The following SAMHD1 variants were observed in gnomAD, a reference collection of about 807,000 sequenced individuals.
SAMHD1 encodes SAM and HD domain containing deoxynucleoside triphosphate triphosphohydrolase 1.
Under a neutral mutation model 79.6 loss-of-function variants are expected in SAMHD1, and 54 were observed. The observed-to-expected ratio is 0.68, with a 90% CI of 0.55 to 0.85. SAMHD1 has a LOEUF of 0.85. Among genes scored for constraint, SAMHD1 ranks in the 40% least tolerant of loss-of-function variants. SAMHD1 has a pLI of 0.00. For missense variants in SAMHD1, 663 were observed against 782.7 expected (o/e 0.85, Z 1.82); for synonymous variants, 260 against 264.1 (o/e 0.98, Z 0.15).
At chr20:36,908,335 T>G (rs1328131709) in intron 11 of SAMHD1, among the ~76,000 whole-genome samples, 1 of 151,844 alleles carries the variant, frequency 6.6e-6, no homozygotes, top group East Asian at 1.9e-4. Flanking sequence ...CCCGGCCTCC[T>G]GGGCTCCAGT....
intron 6 of SAMHD1, among the ~76,000 whole-genome samples, chr20:36,924,412 A>C (rs1253270493): frequency 6.6e-6 from 1 of 151,998 alleles, no homozygotes; most frequent in Non-Finnish European, 1.5e-5. Context: ...ACAGAGACAG[A>C]AGGGAGAGAA....
At chr20:36,912,652 C>T in intron 9 of SAMHD1, 100 bp from the exon 10 acceptor site, 1 of 810,808 alleles carries the variant, frequency 1.2e-6, no homozygotes. Context: ...TAGTGGCAGA[C>T]AAGAGGGCTA....
intron 1 of SAMHD1, among the ~76,000 whole-genome samples, chr20:36,949,969 G>A (rs976634129): frequency 1.3e-5 from 2 of 151,306 alleles, no homozygotes; most frequent in Non-Finnish European, 2.9e-5. Context: ...CACTGCTTTA[G>A]TGCCTGCCTG....
Position 36,951,443 on chromosome 20 carries a change from G to A in SAMHD1, c.201C>T (p.Asn67=). The A allele has an allele frequency of 6.2e-7, 1 of 1,614,002 alleles. No homozygotes were observed. ...GGFEEPVLLK[N]IRENEITGAL... ...CCCCTCCGGAGCCGCTACCTCGGAT[G>A]TTCTTCAGCAGCACCGGCTCTTCAA... is the stretch of plus-strand genomic sequence containing the variant. Residue 67 remains asparagine (N), a synonymous_variant, in exon 1 of 16, where the codon AAC becomes AAT. Transcript: ENST00000646673.
Position 36,898,559 on chromosome 20 carries a change from T to G in SAMHD1, c.1504-15A>C. ...ATGTTGATAACCTAAATAAAAGCAA[T>G]TCACAAGTAATCATATAGCAAGCAG... On this transcript the variant is annotated splice_polypyrimidine_tract_variant and intron_variant, in intron 13 of 15. Transcript: ENST00000646673. The G allele has an allele frequency of 1.9e-6, 3 of 1,583,718 alleles. No homozygotes were observed. Among genetic ancestry groups the G allele is most frequent in the Non-Finnish European group, 2.6e-6 (3 of 1,152,752 alleles).
At chr20:36,936,561 C>G (rs1238746573) in intron 3 of SAMHD1, among the ~76,000 whole-genome samples, 1 of 152,122 alleles carries the variant, frequency 6.6e-6, no homozygotes, top group African/African-American at 2.4e-5. Flanking sequence ...CCGCCTCAGC[C>G]TCCCGAAGTG....
chr20:36,949,706 G>A (rs1373912559), intron 1 of SAMHD1, among the ~76,000 whole-genome samples: 1 of 143,280 alleles, frequency 7.0e-6, no homozygotes, highest in African/African-American at 2.6e-5. Flanking sequence ...GCACTGGGCC[G>A]AGATGGCGCC....
At chr20:36,934,961 G>A (rs2063593710) in intron 4 of SAMHD1, 68 bp downstream of exon 4, 1 of 1,531,864 alleles carries the variant, frequency 6.5e-7, no homozygotes, top group South Asian at 1.1e-5. Context: ...CCTGGCCTAA[G>A]ATAACTATTT....
At chr20:36,923,614 G>T (rs1198479478) in intron 6 of SAMHD1, among the ~76,000 whole-genome samples, 4 of 152,048 alleles carry the variant, frequency 2.6e-5, no homozygotes, top group African/African-American at 7.2e-5. Flanking sequence ...AAAGATGTAT[G>T]ACTTTCATGG....
chr20:36,916,218 A>G (rs2063474177), intron 9 of SAMHD1, among the ~76,000 whole-genome samples: 1 of 152,128 alleles, frequency 6.6e-6, no homozygotes, highest in Admixed American at 6.6e-5. Flanking sequence ...TTCCAACTCT[A>G]CCACTTGTTA....
chr20:36,892,059 C>T lies in SAMHD1; in HGVS notation c.*873G>A, dbSNP rs998433712. The T allele has an allele frequency of 6.6e-6, 1 of 152,536 alleles. No individual in the cohort carries two copies. Among genetic ancestry groups the T allele is most frequent in the African/African-American group, 2.4e-5 (1 of 41,582 alleles). The allele number at this position is 152,536 out of a possible 1,614,324, so 9.4% of individuals were successfully genotyped here. A position where few individuals can be genotyped will look rare whatever the true frequency, so the allele number is the denominator to read the frequency against. ...GAGTATTCAGGGGACAAAGGCACTA[C>T]CCGGGTCTGGAGCCGCCACGGAGCC... On this transcript the variant is annotated 3_prime_UTR_variant, in exon 16 of 16. Coordinates refer to ENST00000646673, the MANE Select transcript of SAMHD1 (RefSeq NM_015474.4).
rs6029995 is a variant in SAMHD1, at chr20:36,901,125, G to C, written c.1504-2581C>G. ...GTGCCTTAGAAAGGTAAGGGAAGAT[G>C]AGTCTGACCCTGAAAAAGAGGAGAG... On this transcript the variant is annotated intron_variant, in intron 13 of 15. Transcript: ENST00000646673. Among the ~76,000 whole-genome samples the C allele has an allele frequency of 9.7e-4, 147 of 152,296 alleles. 1 individual carries two copies. The highest frequency in any genetic ancestry group is 1.7e-3 in the Non-Finnish European group (114 of 68,024).
chr20:36,896,639 A>G (rs1055256920), intron 15 of SAMHD1, among the ~76,000 whole-genome samples: 5 of 152,002 alleles, frequency 3.3e-5, no homozygotes, highest in African/African-American at 9.7e-5. Context: ...GATAGAGACC[A>G]TCCTGGCCAA....
At chr20:36,933,106 G>A (rs938808527) in intron 4 of SAMHD1, among the ~76,000 whole-genome samples, 4 of 152,136 alleles carry the variant, frequency 2.6e-5, no homozygotes, top group African/African-American at 4.8e-5. Context: ...AGTAAGGTTC[G>A]ATAAATATTT....
Position 36,917,053 on chromosome 20 carries a change from G to C in SAMHD1, c.853-4C>G. On this transcript the variant is annotated splice_region_variant and splice_polypyrimidine_tract_variant and intron_variant, in intron 7 of 15. Transcript: ENST00000646673. ...CAGGACGCCCTTTATATGGCCACTG[G>C]AAGGCAAGAAAACCCACTGGAAGTT... The C allele has an allele frequency of 1.2e-6, 2 of 1,601,902 alleles. No individual in the cohort carries two copies. The highest frequency in any genetic ancestry group is 1.7e-6 in the Non-Finnish European group (2 of 1,169,074).
At chr20:36,911,033 C>T (rs1413393010) in intron 11 of SAMHD1, among the ~76,000 whole-genome samples, 185 bp downstream of exon 11, 4 of 151,984 alleles carry the variant, frequency 2.6e-5, no homozygotes, top group Non-Finnish European at 4.4e-5. Flanking sequence ...GCAGGAAGAT[C>T]GCTTGAGCCC....
chr20:36,908,391 G>A (rs57789402), intron 11 of SAMHD1, among the ~76,000 whole-genome samples: 2,064 of 151,808 alleles, frequency 0.014, 55 homozygotes, highest in African/African-American at 0.046. Context: ...CTACAGGCAC[G>A]CACCACCAGG....
chr20:36,943,838 G>C (rs551737814), intron 2 of SAMHD1, among the ~76,000 whole-genome samples: 1 of 152,224 alleles, frequency 6.6e-6, no homozygotes, highest in East Asian at 1.9e-4. Flanking sequence ...CCAGCACTTT[G>C]GGAGGCTGAG....
chr20:36,914,738 G>A (rs1434627494), intron 9 of SAMHD1, among the ~76,000 whole-genome samples: 2 of 151,488 alleles, frequency 1.3e-5, no homozygotes, highest in Non-Finnish European at 2.9e-5. Context: ...GGGGCGTGGC[G>A]GCTCACACAT....
Sources: gnomAD v4.1 joint callset for allele counts (sites outside exome capture counted in the v4.1 genomes callset) on GRCh38, gnomAD v4.1.1 for gene constraint, MANE v1.5 for transcripts, NCBI Gene and HGNC (gene_info 2026-07-23, HGNC 2026-07-21) for gene names.